The following ST3GAL1 variants were observed in gnomAD, a reference collection of about 807,000 sequenced individuals.
ST3GAL1 encodes the protein ST3 beta-galactoside alpha-2,3-sialyltransferase 1, also known as CMP-N-acetylneuraminate-beta-galactosamide-alpha-2,3-sialyltransferase 1.
Under a neutral mutation model 34.1 loss-of-function variants are expected in ST3GAL1, and 16 were observed. The ratio of observed to expected loss-of-function variants is 0.47; its 90% CI spans 0.32 to 0.71. ST3GAL1 has a LOEUF of 0.71. ST3GAL1 is among the 30% of genes least tolerant of loss of function. The probability of loss-of-function intolerance (pLI) is 0.04; values close to 1 mark genes in which losing one functional copy is unlikely to be tolerated. For synonymous variants in ST3GAL1, 191 were observed against 184.7 expected, an observed-to-expected ratio of 1.03 and a Z score of -0.28; for missense variants, 353 against 447.4, an observed-to-expected ratio of 0.79 and a Z score of 1.90.
At chr8:133,562,841 C>CTTT (rs1554621250) in intron 1 of ST3GAL1, among the ~76,000 whole-genome samples, 1 of 82,496 alleles carries the variant, frequency 1.2e-5, no homozygotes, top group African/African-American at 4.5e-5. Flanking sequence ...TTCCTTCCTT[C>CTTT]CTTTCTTTCT....
rs141699671 is a variant in ST3GAL1 at position 133,553,023 on chromosome 8, C to G, written c.-581-7097G>C. Among the ~76,000 whole-genome samples the G allele has an allele frequency of 5.5e-3, 834 of 152,244 alleles. 7 individuals carry two copies. Among genetic ancestry groups the G allele is most frequent in the African/African-American group, 0.019 (787 of 41,540 alleles). ...AATTGGCAGAGATGAGACTCAAAGT[C>G]AGGTCTGTCTTCAACACAATATCCC... On this transcript the variant is annotated intron_variant, in intron 1 of 9. Coordinates refer to ENST00000522652, the MANE Select transcript of ST3GAL1 (RefSeq NM_173344.3).
At chr8:133,464,697 AG>A in intron 7 of ST3GAL1, 80 bp downstream of exon 7, 1 of 1,505,576 alleles carries the variant, frequency 6.6e-7, no homozygotes, top group Non-Finnish European at 9.0e-7. Flanking sequence ...GTGGAGGCAC[AG>A]CAGGACCACG....
At position 133,466,031 on chromosome 8, in the gene ST3GAL1, T is replaced by A. The variant is rs372931491; in HGVS notation, c.366A>T (p.Arg122Ser). ...NLNDTIKELF[R>S]VVPGNVDPML... ...TAGGGTCCACATTCCCAGGCACCAC[T>A]CTGAACAGCTCCTTGATGGTGTCAT... Residue 122 changes from arginine (R) to serine (S), a missense_variant, in exon 6 of 10, where the codon AGA becomes AGT. By Grantham distance (110) the Arg-to-Ser change is moderately radical. Transcript: ENST00000522652. The surrounding 1 kb of genome is among the most constrained non-coding windows in gnomAD (Gnocchi z 4.4). The A allele has an allele frequency of 5.6e-6, 9 of 1,614,138 alleles. No homozygotes were observed. Among genetic ancestry groups the A allele is most frequent in the Non-Finnish European group, 7.6e-6 (9 of 1,179,986 alleles).
At chr8:133,486,618 C>T (rs894482798) in intron 3 of ST3GAL1, among the ~76,000 whole-genome samples, 2 of 152,214 alleles carry the variant, frequency 1.3e-5, no homozygotes, top group African/African-American at 4.8e-5. Context: ...GCAAGGTAAA[C>T]AGGTGATGAC....
intron 3 of ST3GAL1, among the ~76,000 whole-genome samples, chr8:133,498,814 G>A (rs1000316112): frequency 4.6e-5 from 7 of 152,166 alleles, no homozygotes; most frequent in Non-Finnish European, 1.0e-4. Flanking sequence ...AGGCCTCGGA[G>A]CAACCCTCCT....
intron 3 of ST3GAL1, among the ~76,000 whole-genome samples, chr8:133,495,958 T>G (rs555317065): frequency 5.3e-5 from 8 of 152,336 alleles, no homozygotes; most frequent in Admixed American, 1.3e-4. Context: ...GTCTTAGTAA[T>G]CTCGGTATGT....
At chr8:133,512,374 C>T (rs1475063744) in intron 2 of ST3GAL1, among the ~76,000 whole-genome samples, 3 of 152,202 alleles carry the variant, frequency 2.0e-5, no homozygotes, top group Non-Finnish European at 1.5e-5. Context: ...TCTAGTCCTT[C>T]CACGTTCCTC....
At chr8:133,474,219 G>A (rs1816072312) in intron 5 of ST3GAL1, among the ~76,000 whole-genome samples, 1 of 152,102 alleles carries the variant, frequency 6.6e-6, no homozygotes, top group Non-Finnish European at 1.5e-5. Context: ...GATAACCCCA[G>A]GCTCCAAGGG....
intron 2 of ST3GAL1, among the ~76,000 whole-genome samples, chr8:133,534,219 A>G (rs1472483237): frequency 6.6e-6 from 1 of 152,098 alleles, no homozygotes; most frequent in African/African-American, 2.4e-5. Flanking sequence ...CTGACACCCA[A>G]TCCTCCAGCA....
chr8:133,512,182 A>G (rs1817516093), intron 2 of ST3GAL1, among the ~76,000 whole-genome samples: 1 of 152,236 alleles, frequency 6.6e-6, no homozygotes, highest in Non-Finnish European at 1.5e-5. Flanking sequence ...CCAGAACTTC[A>G]AAAGGATGGA....
intron 1 of ST3GAL1, among the ~76,000 whole-genome samples, chr8:133,565,501 C>G (rs1819367401): frequency 1.3e-5 from 2 of 152,164 alleles, no homozygotes; most frequent in African/African-American, 2.4e-5. Context: ...GGCCCAGGTG[C>G]TACAGCATCC....
intron 1 of ST3GAL1, among the ~76,000 whole-genome samples, chr8:133,568,899 A>G (rs894610916): frequency 2.0e-5 from 3 of 152,190 alleles, no homozygotes; most frequent in African/African-American, 7.2e-5. Flanking sequence ...AGACGACTTC[A>G]TCCCCATAAG....
In ST3GAL1 at chr8:133,456,695, C is replaced by T. The variant is rs1302222493; in HGVS notation, c.*3069G>A. ...CATTGCTAAGCCAATGAGCTATCTG[C>T]TGGGCTGTGGGAAAGAGAAATGCAG... On this transcript the variant is annotated 3_prime_UTR_variant, in exon 10 of 10. Coordinates refer to ENST00000522652, the MANE Select transcript of ST3GAL1 (RefSeq NM_173344.3). The T allele has an allele frequency of 6.6e-6, 1 of 152,280 alleles. No individual in the cohort carries two copies. The highest frequency in any genetic ancestry group is 2.4e-5 in the African/African-American group (1 of 41,472). 9.4% of individuals were successfully genotyped at this position (152,280 alleles called of 1,614,324 possible).
rs543479046 is a variant in ST3GAL1, at chr8:133,557,904, C to CAA, written c.-581-11980_-581-11979dup. On this transcript the variant is annotated intron_variant, in intron 1 of 9. Transcript: ENST00000522652. ...TGGGCAACAGAGTGAGACTCCGTCT[C>CAA]AAAAAAAAAAAAAAAAAAAAGAGGC... Among the ~76,000 whole-genome samples the CAA allele has an allele frequency of 8.1e-3, 527 of 65,194 alleles. 4 individuals are homozygous for CAA. Among genetic ancestry groups the CAA allele is most frequent in the African/African-American group, 0.02 (479 of 24,236 alleles). 42.8% of individuals were successfully genotyped at this position (65,194 alleles called of 152,430 possible).
At chr8:133,566,465 G>A (rs1008145776) in intron 1 of ST3GAL1, among the ~76,000 whole-genome samples, 1 of 152,038 alleles carries the variant, frequency 6.6e-6, no homozygotes, top group African/African-American at 2.4e-5. Flanking sequence ...GGAGGCTCTG[G>A]GACTCCCGCA....
Position 133,461,727 on chromosome 8 carries a change from T to G in ST3GAL1, c.849+148A>C. 9.0e-7 allele frequency: 1 copy of G among 1,114,082 alleles called. No individual in the cohort carries two copies. The highest frequency in any genetic ancestry group is 1.3e-6 in the Non-Finnish European group (1 of 775,546). 69.0% of individuals were successfully genotyped at this position (1,114,082 alleles called of 1,614,324 possible). ...TCACTAAAACACCCTGGGAGACACA[T>G]GTTGCAAGTCCTGTCGTAGAGACAG... On this transcript the variant is annotated intron_variant, in intron 9 of 9. Coordinates refer to ENST00000522652, the MANE Select transcript of ST3GAL1 (RefSeq NM_173344.3). The surrounding 1 kb of genome is among the most constrained non-coding windows in gnomAD (Gnocchi z 4.7).
At chr8:133,519,208 C>CA (rs1351814705) in intron 2 of ST3GAL1, among the ~76,000 whole-genome samples, 7 of 152,238 alleles carry the variant, frequency 4.6e-5, no homozygotes, top group African/African-American at 1.7e-4. Flanking sequence ...ACTAGCCTGG[C>CA]AAAAATTAGA....
At chr8:133,506,938 T>TATAA (rs1324172461) in intron 2 of ST3GAL1, among the ~76,000 whole-genome samples, 7 of 125,316 alleles carry the variant, frequency 5.6e-5, no homozygotes, top group East Asian at 2.0e-4. Context: ...AAAATAAATA[T>TATAA]ATAAATAAAT....
chr8:133,489,249 T>C (rs1816709762), intron 3 of ST3GAL1, among the ~76,000 whole-genome samples: 1 of 152,150 alleles, frequency 6.6e-6, no homozygotes, highest in African/African-American at 2.4e-5. Context: ...GCACCATTTG[T>C]GTCCTGCCAG....
Sources: gnomAD v4.1 joint callset for allele counts (sites outside exome capture counted in the v4.1 genomes callset) on GRCh38, gnomAD v4.1.1 for gene constraint, Gnocchi (gnomAD v3.1) non-coding constraint, MANE v1.5 for transcripts, NCBI Gene and HGNC (gene_info 2026-07-23, HGNC 2026-07-21) for gene names.